The following LRRCC1 variants were observed in gnomAD, a reference collection of about 807,000 sequenced individuals.
The protein encoded by LRRCC1 is leucine-rich repeat and coiled-coil domain-containing protein 1.
In LRRCC1, 115 loss-of-function variants were observed where a neutral mutation model predicts 126.0. The ratio of observed to expected loss-of-function variants is 0.91; its 90% CI spans 0.78 to 1.07. The LOEUF (loss-of-function observed/expected upper bound fraction) is 1.07, where lower values mean the gene tolerates loss of function less well. Ranked by LOEUF, LRRCC1 falls within the 50% of genes least tolerant of loss-of-function variation. The probability of loss-of-function intolerance (pLI) is 0.00; values close to 1 mark genes in which losing one functional copy is unlikely to be tolerated. For missense variants in LRRCC1, 1,172 were observed against 1,175.7 expected (o/e 1.00, Z 0.05); for synonymous variants, 400 against 393.4 (o/e 1.02, Z -0.20).
At chr8:85,125,023 CAA>C in intron 8 of LRRCC1, 84 bp downstream of exon 8, 2 of 961,028 alleles carry the variant, frequency 2.1e-6, no homozygotes, top group Non-Finnish European at 3.0e-6. Flanking sequence ...CTTTTATTAG[CAA>C]AAAGTGTTTG....
chr8:85,120,917 T>C (rs533566543), intron 6 of LRRCC1, among the ~76,000 whole-genome samples: 2 of 152,346 alleles, frequency 1.3e-5, no homozygotes, highest in East Asian at 3.9e-4. Flanking sequence ...AATATTTATG[T>C]ATAAGTTTTT....
Position 85,137,567 on chromosome 8 carries a change from A to C in LRRCC1, c.2433A>C (p.Ala811=), listed in dbSNP as rs1242038160. Residue 811 remains alanine, a synonymous_variant, in exon 15 of 19, where the codon GCA becomes GCC. Transcript: ENST00000360375. ...LRKTNESDSD[A]LRIKCKIIDD... ...AGACAAATGAAAGTGATAGTGATGC[A>C]TTAAGAATAAAGTGCAAAATCATAG... The C allele has an allele frequency of 1.3e-6, 2 of 1,541,416 alleles. No individual in the cohort carries two copies. The highest frequency in any genetic ancestry group is 1.7e-6 in the Non-Finnish European group (2 of 1,148,494).
chr8:85,145,151 C>T (rs1264811585), intron 18 of LRRCC1, among the ~76,000 whole-genome samples: 3 of 147,720 alleles, frequency 2.0e-5, no homozygotes, highest in Admixed American at 1.3e-4. Flanking sequence ...GTCTTTTTCA[C>T]AAGTTTATGA....
intron 6 of LRRCC1, among the ~76,000 whole-genome samples, chr8:85,118,204 T>A (rs772665091): frequency 6.6e-6 from 1 of 152,116 alleles, no homozygotes; most frequent in Non-Finnish European, 1.5e-5. Flanking sequence ...ATTATGTATA[T>A]CAGTAGTTCT....
At chr8:85,137,174 A>C (rs1810934593) in intron 14 of LRRCC1, among the ~76,000 whole-genome samples, 1 of 152,196 alleles carries the variant, frequency 6.6e-6, no homozygotes, top group Non-Finnish European at 1.5e-5. Context: ...CATTCTCTGT[A>C]GGAATTTTTA....
intron 12 of LRRCC1, among the ~76,000 whole-genome samples, chr8:85,132,848 T>C (rs1810583852): frequency 6.6e-6 from 1 of 152,214 alleles, no homozygotes; most frequent in Non-Finnish European, 1.5e-5. Context: ...TAGATCCCAT[T>C]TCCTCTTGCC....
chr8:85,120,406 GCTT>G (rs1809452075), intron 6 of LRRCC1, among the ~76,000 whole-genome samples: 1 of 152,048 alleles, frequency 6.6e-6, no homozygotes, highest in Non-Finnish European at 1.5e-5. Flanking sequence ...TTCTTTATTT[GCTT>G]CTTATGTTTG....
intron 18 of LRRCC1, 143 bp from the exon 19 acceptor site, chr8:85,145,246 G>T (rs1355605846): frequency 1.7e-6 from 1 of 586,454 alleles, no homozygotes; most frequent in East Asian, 3.4e-5. Flanking sequence ...ATTTGAGCAA[G>T]TTACATTTTA....
rs1442592349 is a variant in LRRCC1, at chr8:85,110,174, C to A, written c.370C>A (p.Leu124Ile). ...LNVSYNHIDD[L>I]SGLIPLHGIK... ...TGTATCTTATAACCACATAGATGATCTTAGTGGTAAGTAGAAATGCTTATG... is the reference window on the plus strand; with the variant it reads ...TGTATCTTATAACCACATAGATGATATTAGTGGTAAGTAGAAATGCTTATG... The change falls in exon 3 of 19, where the codon CTT becomes ATT. Residue 124 changes from leucine (L) to isoleucine (I), a missense_variant. Physicochemically the swap from Leu to Ile is conservative, Grantham distance 5 (BLOSUM62 2). Coordinates refer to ENST00000360375, the MANE Select transcript of LRRCC1 (RefSeq NM_033402.5). 1 of 1,295,072 alleles carries A rather than the reference C, an allele frequency of 7.7e-7. No individual in the cohort carries two copies. Among genetic ancestry groups the A allele is most frequent in the Non-Finnish European group, 1.1e-6 (1 of 941,038 alleles). The allele number at this position is 1,295,072 out of a possible 1,614,324, so 80.2% of individuals were successfully genotyped here.
Position 85,137,546 on chromosome 8 carries a change from A to C in LRRCC1, c.2412A>C (p.Thr804=). The change falls in exon 15 of 19, where the codon ACA becomes ACC. Residue 804 remains threonine (T), a synonymous_variant. Coordinates refer to ENST00000360375, the MANE Select transcript of LRRCC1 (RefSeq NM_033402.5). ...GAGAGAATGAATGTCTGCGAAAGACAAATGAAAGTGATAGTGATGCATTAA... is the reference window on the plus strand; with the variant it reads ...GAGAGAATGAATGTCTGCGAAAGACCAATGAAAGTGATAGTGATGCATTAA... ...LSRENECLRK[T]NESDSDALRI... 1 of 1,564,640 alleles carries C rather than the reference A, an allele frequency of 6.4e-7. No individual in the cohort carries two copies. Among genetic ancestry groups the C allele is most frequent in the Non-Finnish European group, 8.6e-7 (1 of 1,160,328 alleles).
At chr8:85,113,634 G>C (rs940093736) in intron 4 of LRRCC1, among the ~76,000 whole-genome samples, 2 of 151,994 alleles carry the variant, frequency 1.3e-5, no homozygotes, top group Admixed American at 6.6e-5. Flanking sequence ...AATGTATAAT[G>C]TTAGCTAACT....
intron 1 of LRRCC1, 83 bp from the exon 2 acceptor site, chr8:85,109,512 G>A: frequency 1.4e-6 from 1 of 722,126 alleles, no homozygotes; most frequent in Admixed American, 2.7e-5. Context: ...CACATATTTA[G>A]TATCTACGTG....
intron 6 of LRRCC1, among the ~76,000 whole-genome samples, chr8:85,116,638 TAGTG>T (rs1406061532): frequency 1.3e-5 from 2 of 152,174 alleles, no homozygotes; most frequent in Middle Eastern, 3.4e-3. Context: ...CCTCCTAAAA[TAGTG>T]AGATTACAGG....
At position 85,129,914 on chromosome 8, in the gene LRRCC1, C is replaced by A; in HGVS notation, c.1627-5C>A. The A allele has an allele frequency of 6.6e-7, 1 of 1,523,380 alleles. No homozygotes were observed. The highest frequency in any genetic ancestry group is 2.4e-5 in the Admixed American group (1 of 41,024). The allele number at this position is 1,523,380 out of a possible 1,614,324, so 94.4% of individuals were successfully genotyped here. On this transcript the variant is annotated splice_polypyrimidine_tract_variant and splice_region_variant and intron_variant, in intron 10 of 18. Coordinates refer to ENST00000360375, the MANE Select transcript of LRRCC1 (RefSeq NM_033402.5). ...AAATAATGTAATTGTGGGTATTTTA[C>A]TCAGATAAGACTGATCCAAGAGGTG...
Position 85,115,272 on chromosome 8 carries a change from T to C in LRRCC1, c.717T>C (p.Asp239=). ...ATTCTCCCCTAAATATAAGTGAAGA[T>C]GAGGTATAGTATTTACTTTTTTTTT... ...SSDSPLNISE[D]EIIDRMPVIT... The change falls in exon 5 of 19, where the codon GAT becomes GAC. Residue 239 remains aspartate, a synonymous_variant. Coordinates refer to ENST00000360375, the MANE Select transcript of LRRCC1 (RefSeq NM_033402.5). The C allele has an allele frequency of 6.3e-7, 1 of 1,597,048 alleles. No individual in the cohort carries two copies. The highest frequency in any genetic ancestry group is 8.5e-7 in the Non-Finnish European group (1 of 1,171,036).
chr8:85,141,903 C>G (rs1811278146), intron 18 of LRRCC1, among the ~76,000 whole-genome samples: 1 of 152,166 alleles, frequency 6.6e-6, no homozygotes, highest in Non-Finnish European at 1.5e-5. Context: ...GGGTTCAAGA[C>G]TATCAACTTT....
At chr8:85,122,912 TAGC>T (rs1375162060) in intron 6 of LRRCC1, among the ~76,000 whole-genome samples, 18 of 152,360 alleles carry the variant, frequency 1.2e-4, no homozygotes, top group Admixed American at 1.2e-3. Flanking sequence ...TTCTCTTAGG[TAGC>T]AGTTCAAAGT....
chr8:85,121,942 C>T (rs1256932181), intron 6 of LRRCC1, among the ~76,000 whole-genome samples: 1 of 152,190 alleles, frequency 6.6e-6, no homozygotes, highest in Admixed American at 6.5e-5. Context: ...TATATTCCTT[C>T]AGCCAAGACT....
Position 85,141,512 on chromosome 8 carries a change from T to G in LRRCC1, c.2971T>G (p.Leu991Val). Reference protein sequence around the residue: ...EKQKCIDSANLKVHQIEKEMR... With the variant: ...EKQKCIDSANVKVHQIEKEMR... ...GCAGAAGTGTATTGATTCTGCAAAT[T>G]TAAAGGTATTGTAAGTAAAATTCAC... is the stretch of plus-strand genomic sequence containing the variant. Residue 991 changes from leucine to valine, a missense_variant, in exon 18 of 19, where the codon TTA (leucine) becomes GTA (valine). Transcript: ENST00000360375. 1 of 1,602,966 alleles carries G rather than the reference T, an allele frequency of 6.2e-7. No individual in the cohort carries two copies. Among genetic ancestry groups the G allele is most frequent in the Non-Finnish European group, 8.5e-7 (1 of 1,173,082 alleles).
Sources: gnomAD v4.1 joint callset for allele counts (sites outside exome capture counted in the v4.1 genomes callset) on GRCh38, gnomAD v4.1.1 for gene constraint, MANE v1.5 for transcripts, NCBI Gene and HGNC (gene_info 2026-07-23, HGNC 2026-07-21) for gene names.